TRAPPC10: variants seen among roughly 807,000 people sequenced by gnomAD.
TRAPPC10 encodes the protein trafficking protein particle complex subunit 10, also known as TRAPP 130 kDa subunit.
A neutral mutation model predicts 125.5 loss-of-function variants in TRAPPC10; 23 were observed. The observed-to-expected ratio is 0.18, with a 90% CI of 0.13 to 0.26. TRAPPC10 has a LOEUF of 0.26. TRAPPC10 is among the 10% of genes least tolerant of loss of function. TRAPPC10 has a pLI of 1.00. For missense variants in TRAPPC10, 1,123 were observed against 1,308.4 expected (o/e 0.86, Z 2.19); for synonymous variants, 509 against 518.0 (o/e 0.98, Z 0.24).
chr21:44,084,949 C>T (rs1380802421), intron 15 of TRAPPC10, among the ~76,000 whole-genome samples: 1 of 152,222 alleles, frequency 6.6e-6, no homozygotes, highest in Non-Finnish European at 1.5e-5. Flanking sequence ...TCCACGCCCT[C>T]CCTGGGCGCC....
At chr21:44,043,209 CTTTTTTTTTTTT>C (rs34708259) in intron 3 of TRAPPC10, among the ~76,000 whole-genome samples, 1 of 94,354 alleles carries the variant, frequency 1.1e-5, no homozygotes, top group Non-Finnish European at 2.0e-5. Context: ...AATTATTACG[CTTTTTTTTTTTT>C]TTTTTTTTTT....
At chr21:44,068,622 T>C (rs2036627088) in intron 7 of TRAPPC10, among the ~76,000 whole-genome samples, 2 of 152,064 alleles carry the variant, frequency 1.3e-5, no homozygotes. Context: ...TTATTATTAT[T>C]ATTTGAAACA....
intron 1 of TRAPPC10, among the ~76,000 whole-genome samples, chr21:44,029,746 CTG>C (rs1569147973): frequency 6.6e-6 from 1 of 152,210 alleles, no homozygotes; most frequent in Non-Finnish European, 1.5e-5. Flanking sequence ...TTCCTTCTGT[CTG>C]TGTGACCAAA....
intron 4 of TRAPPC10, among the ~76,000 whole-genome samples, chr21:44,054,926 A>G (rs1182501426): frequency 6.6e-6 from 1 of 152,158 alleles, no homozygotes; most frequent in African/African-American, 2.4e-5. Flanking sequence ...GAATGTTCTC[A>G]TGAAGAGAGG....
chr21:44,065,635 G>A (rs544725877), intron 7 of TRAPPC10, among the ~76,000 whole-genome samples: 2 of 152,222 alleles, frequency 1.3e-5, no homozygotes, highest in Admixed American at 6.5e-5. Flanking sequence ...TTCCTGTTTC[G>A]TCATCTTCTG....
At chr21:44,060,915 T>TACATACACACACACACAC (rs60633801) in intron 6 of TRAPPC10, among the ~76,000 whole-genome samples, 49 of 132,262 alleles carry the variant, frequency 3.7e-4, no homozygotes, top group South Asian at 1.5e-3. Context: ...CATACATACA[T>TACATACACACACACACAC]ACACACACAC....
chr21:44,085,682 G>A (rs1196123786), intron 15 of TRAPPC10, among the ~76,000 whole-genome samples: 1 of 151,264 alleles, frequency 6.6e-6, no homozygotes, highest in Non-Finnish European at 1.5e-5. Context: ...TCTCCAGCGT[G>A]GGTGACAGAA....
chr21:44,095,125 C>T (rs1366028979), intron 20 of TRAPPC10, among the ~76,000 whole-genome samples: 1 of 150,958 alleles, frequency 6.6e-6, no homozygotes, highest in Non-Finnish European at 1.5e-5. Flanking sequence ...TCATAGCTCA[C>T]TGCAGCCTGG....
rs180688714 is a variant in TRAPPC10 at position 44,065,905 on chromosome 21, C to T, written c.1038+2120C>T. Among the ~76,000 whole-genome samples the T allele has an allele frequency of 1.5e-3, 229 of 152,320 alleles. 1 individual carries two copies. The highest frequency in any genetic ancestry group is 5.9e-4 in the Non-Finnish European group (40 of 68,036). ...GGTAGAGATGAGTGTCTCACTGTGT[C>T]GCCCAGGCTGGTCTGGAACTTCCGG... On this transcript the variant is annotated intron_variant, in intron 7 of 22. Coordinates refer to ENST00000291574, the MANE Select transcript of TRAPPC10 (RefSeq NM_003274.5).
chr21:44,063,262 G>T lies in TRAPPC10; in HGVS notation c.791-276G>T. ...CTGAGCTCCCCTAACCATGTAGCCT[G>T]TCTGTCTCTGGGTGACTTCCCAACC... On this transcript the variant is annotated intron_variant, in intron 6 of 22. Transcript: ENST00000291574. This position sits in a 1 kb window ranked among gnomAD's most constrained non-coding sequence, Gnocchi z 4.4. 1 of 1,254,404 alleles carries T rather than the reference G, an allele frequency of 8.0e-7. No homozygotes were observed. Among genetic ancestry groups the T allele is most frequent in the Non-Finnish European group, 1.0e-6 (1 of 976,248 alleles). The allele number at this position is 1,254,404 out of a possible 1,614,324, so 77.7% of individuals were successfully genotyped here.
In TRAPPC10 at chr21:44,074,371, T is replaced by C; in HGVS notation, c.1086T>C (p.Cys362=). 1.2e-6 allele frequency: 2 copies of C among 1,614,176 alleles called. No individual in the cohort carries two copies. The highest frequency in any genetic ancestry group is 1.7e-6 in the Non-Finnish European group (2 of 1,180,024). Residue 362 remains cysteine, a synonymous_variant, in exon 8 of 23, where the codon TGT becomes TGC. Coordinates refer to ENST00000291574, the MANE Select transcript of TRAPPC10 (RefSeq NM_003274.5). ...TGGACTGCTGGGTGTTTCTGAGCTG[T>C]CTGGAGGTGTTGCAGAGGATAGAAG... is the stretch of plus-strand genomic sequence containing the variant. The part of the protein sequence containing the change: ...GALDCWVFLS[C]LEVLQRIEGC...
intron 16 of TRAPPC10, 40 bp downstream of exon 16, chr21:44,087,000 C>T (rs749849317): frequency 3.7e-6 from 6 of 1,607,996 alleles, no homozygotes; most frequent in Non-Finnish European, 4.2e-6. Flanking sequence ...GGATGCCCAC[C>T]TTGCCCTGCA....
chr21:44,070,837 G>A (rs966401374), intron 7 of TRAPPC10, among the ~76,000 whole-genome samples: 1 of 152,220 alleles, frequency 6.6e-6, no homozygotes, highest in African/African-American at 2.4e-5. Context: ...GGAGAAGAGT[G>A]CTGGCACTGC....
chr21:44,056,004 G>A (rs1415228136), intron 5 of TRAPPC10, 111 bp downstream of exon 5: 3 of 1,001,156 alleles, frequency 3.0e-6, no homozygotes, highest in African/African-American at 3.2e-5. Flanking sequence ...TAATCTCATT[G>A]GCAGAGTTTT....
intron 1 of TRAPPC10, among the ~76,000 whole-genome samples, chr21:44,017,260 C>T (rs796381045): frequency 3.4e-4 from 52 of 152,274 alleles, no homozygotes; most frequent in African/African-American, 1.2e-3. Flanking sequence ...CATTTCTACC[C>T]GAGCATGGTT....
chr21:44,031,985 A>G, intron 1 of TRAPPC10, 106 bp from the exon 2 acceptor site: 1 of 889,046 alleles, frequency 1.1e-6, no homozygotes, highest in South Asian at 1.5e-5. Context: ...ATATCGCTTT[A>G]CTAAACATAA....
At chr21:44,085,853 G>A (rs2038090410) in intron 15 of TRAPPC10, among the ~76,000 whole-genome samples, 1 of 152,212 alleles carries the variant, frequency 6.6e-6, no homozygotes, top group Non-Finnish European at 1.5e-5. Context: ...AGAACATGTG[G>A]CAGCTGAACA....
chr21:44,050,837 G>A (rs866047190), intron 3 of TRAPPC10, among the ~76,000 whole-genome samples: 2 of 152,340 alleles, frequency 1.3e-5, no homozygotes, highest in Middle Eastern at 6.8e-3. Context: ...CAAATGAGAA[G>A]TACTGCCTTT....
At chr21:44,042,165 A>T (rs1163577747) in intron 3 of TRAPPC10, among the ~76,000 whole-genome samples, 1 of 151,792 alleles carries the variant, frequency 6.6e-6, no homozygotes, top group African/African-American at 2.4e-5. Context: ...TTCTACTTTC[A>T]TTTGTATTAT....
Sources: gnomAD v4.1 joint callset for allele counts (sites outside exome capture counted in the v4.1 genomes callset) on GRCh38, gnomAD v4.1.1 for gene constraint, Gnocchi (gnomAD v3.1) non-coding constraint, MANE v1.5 for transcripts, NCBI Gene and HGNC (gene_info 2026-07-23, HGNC 2026-07-21) for gene names.